Variants in FBLN5 observed in about 807,000 individuals in gnomAD.
The protein encoded by FBLN5 is fibulin-5.
In FBLN5, 24 loss-of-function variants were observed where a neutral mutation model predicts 61.6. That is an observed-to-expected ratio of 0.39 (90% CI 0.28 to 0.55). The LOEUF is 0.55. Among genes scored for constraint, FBLN5 ranks in the 20% least tolerant of loss-of-function variants. FBLN5 has a pLI of 0.65. For missense variants in FBLN5, 470 were observed against 594.1 expected (o/e 0.79, Z 2.17); for synonymous variants, 213 against 219.8 (o/e 0.97, Z 0.27).
At chr14:91,936,149 A>AAAACAAAAAACAAAATGGGAC (rs2056011532) in intron 4 of FBLN5, among the ~76,000 whole-genome samples, 1 of 152,246 alleles carries the variant, frequency 6.6e-6, no homozygotes, top group African/African-American at 2.4e-5. Flanking sequence ...AAAAATGGGA[A>AAAACAAAAAACAAAATGGGAC]AAACAAAAAA....
At chr14:91,901,298 C>T (rs1205172197) in intron 4 of FBLN5, among the ~76,000 whole-genome samples, 2 of 152,172 alleles carry the variant, frequency 1.3e-5, no homozygotes, top group Non-Finnish European at 2.9e-5. Flanking sequence ...TGAGAACGGC[C>T]ATCAGCCAAA....
intron 10 of FBLN5, among the ~76,000 whole-genome samples, chr14:91,872,107 G>A (rs1888963896): frequency 6.6e-6 from 1 of 152,206 alleles, no homozygotes; most frequent in East Asian, 1.9e-4. Context: ...TCTAAGTGCT[G>A]TATGAAAGGT....
chr14:91,947,138 C>A lies in FBLN5; in HGVS notation c.17+75G>T, dbSNP rs973554822. On this transcript the variant is annotated intron_variant, in intron 1 of 10. Coordinates refer to ENST00000342058, the MANE Select transcript of FBLN5 (RefSeq NM_006329.4). The surrounding 1 kb of genome is among the most constrained non-coding windows in gnomAD (Gnocchi z 4.3). ...GACACCGCCTGAATCGCAGCCATAA[C>A]CATTTTCCACCCATCGGATTTTTAG... 3.2e-5 allele frequency: 51 copies of A among 1,604,970 alleles called. No individual in the cohort carries two copies. In the South Asian group the frequency reaches 5.3e-4, roughly 17 times the overall value.
Position 91,910,138 on chromosome 14 carries a change from G to A in FBLN5, c.380-15066C>T, listed in dbSNP as rs574122266. ...GAAGCAACCCAAATGTCTATTAGCC[G>A]TTGAATGAATACCCAAAATGTGGTA... On this transcript the variant is annotated intron_variant, in intron 4 of 10. Coordinates refer to ENST00000342058, the MANE Select transcript of FBLN5 (RefSeq NM_006329.4). 2.1e-3 allele frequency among the ~76,000 whole-genome samples: 318 copies of A among 152,296 alleles called. 2 individuals carry two copies. Among genetic ancestry groups the A allele is most frequent in the African/African-American group, 7.2e-3 (301 of 41,548 alleles).
At chr14:91,935,283 T>C (rs922068461) in intron 4 of FBLN5, among the ~76,000 whole-genome samples, 14 of 152,212 alleles carry the variant, frequency 9.2e-5, no homozygotes, top group African/African-American at 2.9e-4. Context: ...GGAGACACTT[T>C]GGAGAAAGCC....
At chr14:91,928,955 G>A (rs2055876220) in intron 4 of FBLN5, among the ~76,000 whole-genome samples, 1 of 151,976 alleles carries the variant, frequency 6.6e-6, no homozygotes, top group Non-Finnish European at 1.5e-5. Context: ...CTACTCGGGA[G>A]GCTGAGGCAG....
intron 4 of FBLN5, among the ~76,000 whole-genome samples, chr14:91,935,114 T>C (rs945106542): frequency 1.3e-5 from 2 of 152,208 alleles, no homozygotes; most frequent in Non-Finnish European, 2.9e-5. Context: ...TGTATTCTCC[T>C]TACAAAAGGG....
intron 9 of FBLN5, among the ~76,000 whole-genome samples, 156 bp downstream of exon 9, chr14:91,881,136 C>CAT (rs749652306): frequency 6.6e-6 from 1 of 150,732 alleles, no homozygotes; most frequent in Non-Finnish European, 1.5e-5. Context: ...CACACACACA[C>CAT]ACACACACAC....
At chr14:91,877,183 G>C (rs1439542066) in intron 10 of FBLN5, among the ~76,000 whole-genome samples, 1 of 152,184 alleles carries the variant, frequency 6.6e-6, no homozygotes, top group Admixed American at 6.5e-5. Flanking sequence ...ACATGGGTTG[G>C]TTGAAAAGTG....
intron 1 of FBLN5, among the ~76,000 whole-genome samples, chr14:91,946,085 C>T (rs897407865): frequency 1.4e-5 from 2 of 146,264 alleles, no homozygotes; most frequent in Non-Finnish European, 3.0e-5. Flanking sequence ...CCCATCTTTC[C>T]CCCTACTCCC....
chr14:91,913,228 C>T lies in FBLN5; in HGVS notation c.380-18156G>A, dbSNP rs552870368. ...ATCACGAACCCAACCAGCCCCTCCA[C>T]TAACTAGCTTTATGTCCATTTCCCC... On this transcript the variant is annotated intron_variant, in intron 4 of 10. Coordinates refer to ENST00000342058, the MANE Select transcript of FBLN5 (RefSeq NM_006329.4). Among the ~76,000 whole-genome samples the T allele has an allele frequency of 2.6e-3, 397 of 152,272 alleles. 3 individuals are homozygous for T. The highest frequency in any genetic ancestry group is 9.5e-3 in the African/African-American group (393 of 41,544).
In FBLN5 at chr14:91,882,929, G is replaced by A. The variant is rs1177641521; in HGVS notation, c.862+25C>T. 1 of 1,612,424 alleles carries A rather than the reference G, an allele frequency of 6.2e-7. No individual in the cohort carries two copies. Among genetic ancestry groups the A allele is most frequent in the South Asian group, 1.1e-5 (1 of 90,918 alleles). On this transcript the variant is annotated intron_variant, in intron 8 of 10. Transcript: ENST00000342058. The surrounding 1 kb of genome is among the most constrained non-coding windows in gnomAD (Gnocchi z 4.9). ...AGCTCCACCTCACACATACACCCCA[G>A]CCAGGCCCCTCCGGACAGCCTTACC...
At chr14:91,911,039 A>C (rs1346714923) in intron 4 of FBLN5, among the ~76,000 whole-genome samples, 1 of 151,662 alleles carries the variant, frequency 6.6e-6, no homozygotes, top group Non-Finnish European at 1.5e-5. Flanking sequence ...GCTGGAGTGC[A>C]GCGGCACGAT....
intron 4 of FBLN5, among the ~76,000 whole-genome samples, chr14:91,897,003 A>T (rs922414450): frequency 6.6e-6 from 1 of 152,082 alleles, no homozygotes; most frequent in African/African-American, 2.4e-5. Flanking sequence ...TATGGCTACA[A>T]ATCCACCATC....
At chr14:91,884,090 G>A (rs116870079) in intron 7 of FBLN5, among the ~76,000 whole-genome samples, 345 of 152,286 alleles carry the variant, frequency 2.3e-3, no homozygotes, top group Non-Finnish European at 3.9e-3. Flanking sequence ...GACCACTGGT[G>A]GCTGGAGTCA....
At chr14:91,871,514 C>G (rs549375628) in intron 10 of FBLN5, among the ~76,000 whole-genome samples, 1 of 152,290 alleles carries the variant, frequency 6.6e-6, no homozygotes, top group African/African-American at 2.4e-5. Flanking sequence ...GAGCACCCAT[C>G]ATGTGTGAGG....
At chr14:91,925,745 C>T (rs1412107428) in intron 4 of FBLN5, among the ~76,000 whole-genome samples, 1 of 152,194 alleles carries the variant, frequency 6.6e-6, no homozygotes. Context: ...CATCTTTTTC[C>T]ATTAGCCCGT....
chr14:91,875,421 A>G lies in FBLN5; in HGVS notation c.1185+2066T>C, dbSNP rs7155334. On this transcript the variant is annotated intron_variant, in intron 10 of 10. Coordinates refer to ENST00000342058, the MANE Select transcript of FBLN5 (RefSeq NM_006329.4). ...CTCACTACCACCACGGCACATCTGT[A>G]TGAGACATAGCCCCAGAATTAGGGG... Among the ~76,000 whole-genome samples, 992 of 152,278 alleles carry G rather than the reference A, an allele frequency of 6.5e-3. 6 individuals are homozygous for G. The highest frequency in any genetic ancestry group is 0.011 in the Non-Finnish European group (777 of 68,014).
intron 9 of FBLN5, among the ~76,000 whole-genome samples, chr14:91,879,419 G>A (rs1889314611): frequency 6.6e-6 from 1 of 152,244 alleles, no homozygotes; most frequent in African/African-American, 2.4e-5. Flanking sequence ...ACCTGAACTG[G>A]ACAAGGAGCT....
Sources: allele counts gnomAD v4.1 joint callset (sites outside exome capture counted in the v4.1 genomes callset), GRCh38; gene constraint gnomAD v4.1.1; non-coding constraint Gnocchi (gnomAD v3.1); transcripts MANE v1.5; gene names NCBI Gene and HGNC (gene_info 2026-07-23, HGNC 2026-07-21).